The following DLGAP1 variants were observed in gnomAD, a reference collection of about 807,000 sequenced individuals.
DLGAP1 encodes the protein DLG associated protein 1.
Under a neutral mutation model 90.8 loss-of-function variants are expected in DLGAP1, and 11 were observed. That is an observed-to-expected ratio of 0.12 (90% confidence interval 0.08 to 0.20). The LOEUF is 0.20. Ranked by LOEUF, DLGAP1 falls within the 10% of genes least tolerant of loss-of-function variation. The probability of loss-of-function intolerance (pLI) is 1.00; values close to 1 mark genes in which losing one functional copy is unlikely to be tolerated. For missense variants in DLGAP1, 1,050 were observed against 1,333.8 expected, an observed-to-expected ratio of 0.79 and a Z score of 3.31; for synonymous variants, 558 against 540.7, an observed-to-expected ratio of 1.03 and a Z score of -0.44.
intron 5 of DLGAP1, among the ~76,000 whole-genome samples, chr18:3,785,822 G>A (rs747981614): frequency 2.6e-5 from 4 of 152,204 alleles, no homozygotes; most frequent in Non-Finnish European, 5.9e-5. Context: ...CTATGCCTTA[G>A]GAGAAACAGA....
intron 1 of DLGAP1, among the ~76,000 whole-genome samples, chr18:4,222,224 C>T (rs192967022): frequency 6.6e-6 from 1 of 152,292 alleles, no homozygotes; most frequent in East Asian, 1.9e-4. Flanking sequence ...TACTTTATGT[C>T]TCTGCTTACA....
At chr18:4,451,640 T>C (rs543130729) in intron 1 of DLGAP1, among the ~76,000 whole-genome samples, 1 of 152,270 alleles carries the variant, frequency 6.6e-6, no homozygotes, top group African/African-American at 2.4e-5. Flanking sequence ...CAAATTCTCA[T>C]GCTTCGGAAA....
rs750837404 is a variant in DLGAP1 at position 4,383,803 on chromosome 18, C to T, written c.-267+71203G>A. ...CAGAATTGTTCCATCTCCATTTGAA[C>T]CTACTCTACTGGCACATCTAATCCA... On this transcript the variant is annotated intron_variant, in intron 1 of 12. Coordinates refer to ENST00000315677, the MANE Select transcript of DLGAP1 (RefSeq NM_004746.4). This position sits in a 1 kb window ranked among gnomAD's most constrained non-coding sequence, Gnocchi z 4.0. 6.6e-6 allele frequency among the ~76,000 whole-genome samples: 1 copy of T among 152,060 alleles called. No individual in the cohort carries two copies. Among genetic ancestry groups the T allele is most frequent in the Non-Finnish European group, 1.5e-5 (1 of 67,982 alleles).
At chr18:4,190,816 A>C (rs1404907837) in intron 1 of DLGAP1, among the ~76,000 whole-genome samples, 1 of 152,014 alleles carries the variant, frequency 6.6e-6, no homozygotes, top group Admixed American at 6.6e-5. Flanking sequence ...CATAAGTTCC[A>C]AGGACTATAA....
At chr18:4,017,877 T>C (rs2074548713) in intron 2 of DLGAP1, among the ~76,000 whole-genome samples, 1 of 151,966 alleles carries the variant, frequency 6.6e-6, no homozygotes, top group Non-Finnish European at 1.5e-5. Context: ...TTCCAGAAAG[T>C]TGGTCAATGG....
chr18:3,944,603 TG>T (rs1354359545), intron 3 of DLGAP1, among the ~76,000 whole-genome samples: 3 of 152,240 alleles, frequency 2.0e-5, no homozygotes, highest in African/African-American at 7.2e-5. Context: ...GAGTATGAGC[TG>T]GGGCTGAGGC....
intron 9 of DLGAP1, among the ~76,000 whole-genome samples, chr18:3,547,301 CAAAAA>C (rs765095049): frequency 2.6e-4 from 12 of 45,422 alleles, no homozygotes; most frequent in African/African-American, 8.7e-4. Flanking sequence ...GACTCCGTCT[CAAAAA>C]AAAAAAAAAA....
At chr18:4,330,148 T>C (rs2080915199) in intron 1 of DLGAP1, among the ~76,000 whole-genome samples, 1 of 152,082 alleles carries the variant, frequency 6.6e-6, no homozygotes. Context: ...GTCAATTTTA[T>C]TGGCTTAAAG....
intron 1 of DLGAP1, among the ~76,000 whole-genome samples, chr18:4,180,852 T>C (rs1568437465): frequency 6.6e-6 from 1 of 152,132 alleles, no homozygotes; most frequent in African/African-American, 2.4e-5. Flanking sequence ...GGAAGTCAAA[T>C]GTTCAGAGCT....
chr18:3,511,112 G>A (rs1306987831), intron 10 of DLGAP1, among the ~76,000 whole-genome samples: 2 of 152,152 alleles, frequency 1.3e-5, no homozygotes, highest in East Asian at 1.9e-4. Flanking sequence ...GGAGATGACC[G>A]TTCCTAGGCC....
intron 4 of DLGAP1, among the ~76,000 whole-genome samples, chr18:3,841,214 G>T (rs1227048915): frequency 1.3e-5 from 2 of 152,092 alleles, no homozygotes; most frequent in Non-Finnish European, 2.9e-5. Context: ...TCACAGAGCA[G>T]GTCCAGGAAA....
At chr18:3,601,325 A>G (rs2057011138) in intron 7 of DLGAP1, among the ~76,000 whole-genome samples, 2 of 151,816 alleles carry the variant, frequency 1.3e-5, no homozygotes, top group Admixed American at 6.6e-5. Context: ...ACCTCAAGCA[A>G]TCCACCCGCC....
chr18:3,602,606 A>C (rs1007820806), intron 7 of DLGAP1, among the ~76,000 whole-genome samples: 33 of 151,524 alleles, frequency 2.2e-4, no homozygotes, highest in African/African-American at 3.6e-4. Flanking sequence ...AAAAAAAAAA[A>C]AAAAAAAAAA....
At chr18:4,224,576 G>T (rs1219053108) in intron 1 of DLGAP1, among the ~76,000 whole-genome samples, 4 of 152,146 alleles carry the variant, frequency 2.6e-5, no homozygotes, top group Non-Finnish European at 4.4e-5. Flanking sequence ...CAACCTGCAG[G>T]CCTGTGGTGG....
intron 7 of DLGAP1, among the ~76,000 whole-genome samples, chr18:3,661,630 G>A (rs1451999419): frequency 6.7e-6 from 1 of 149,276 alleles, no homozygotes; most frequent in Non-Finnish European, 1.5e-5. Flanking sequence ...AGGCTGGAGT[G>A]CAGTGGCACG....
intron 3 of DLGAP1, among the ~76,000 whole-genome samples, chr18:3,980,958 A>G (rs1447704816): frequency 2.0e-5 from 3 of 152,228 alleles, no homozygotes; most frequent in Admixed American, 6.5e-5. Flanking sequence ...TATAGTCACC[A>G]TCTTGTTCAA....
chr18:4,184,275 C>A (rs115916429), intron 1 of DLGAP1, among the ~76,000 whole-genome samples: 1 of 152,024 alleles, frequency 6.6e-6, no homozygotes, highest in Non-Finnish European at 1.5e-5. Flanking sequence ...CCCCTTGGGA[C>A]GAAAAGCCAT....
At chr18:4,387,435 G>A (rs2082252801) in intron 1 of DLGAP1, among the ~76,000 whole-genome samples, 1 of 152,212 alleles carries the variant, frequency 6.6e-6, no homozygotes, top group South Asian at 2.1e-4. Context: ...TGTGATGGAA[G>A]TATATTGTTT....
intron 1 of DLGAP1, among the ~76,000 whole-genome samples, chr18:4,212,994 A>G (rs1412651274): frequency 1.3e-5 from 2 of 152,230 alleles, no homozygotes; most frequent in Non-Finnish European, 2.9e-5. Context: ...ACATCATTTC[A>G]TAAGGTACTT....
Sources: allele counts gnomAD v4.1 joint callset (sites outside exome capture counted in the v4.1 genomes callset), GRCh38; gene constraint gnomAD v4.1.1; non-coding constraint Gnocchi (gnomAD v3.1); transcripts MANE v1.5; gene names NCBI Gene and HGNC (gene_info 2026-07-23, HGNC 2026-07-21).